The following ZNRF2 variants were observed in gnomAD, a reference collection of about 807,000 sequenced individuals.
ZNRF2 encodes the protein E3 ubiquitin-protein ligase ZNRF2.
In ZNRF2, 16 loss-of-function variants were observed where a neutral mutation model predicts 20.4. The ratio of observed to expected loss-of-function variants is 0.79; its 90% CI spans 0.53 to 1.19. The LOEUF (loss-of-function observed/expected upper bound fraction) is 1.19, where lower values mean the gene tolerates loss of function less well. Ranked by LOEUF, ZNRF2 falls within the 50% of genes most tolerant of loss-of-function variation. ZNRF2 has a pLI of 0.00. For synonymous variants in ZNRF2, 178 were observed against 144.9 expected (o/e 1.23, Z -1.64); for missense variants, 363 against 332.4 (o/e 1.09, Z -0.72).
chr7:30,297,650 C>T (rs900104785), intron 1 of ZNRF2, among the ~76,000 whole-genome samples: 1 of 151,418 alleles, frequency 6.6e-6, no homozygotes, highest in Non-Finnish European at 1.5e-5. Flanking sequence ...ATGAAAATTT[C>T]ATTATTACAT....
intron 2 of ZNRF2, among the ~76,000 whole-genome samples, chr7:30,332,653 A>G (rs1583585852): frequency 6.6e-6 from 1 of 152,038 alleles, no homozygotes; most frequent in Non-Finnish European, 1.5e-5. Context: ...GCGTTAATTT[A>G]CTTAGTATAA....
chr7:30,304,161 C>G (rs1799163881), intron 1 of ZNRF2, among the ~76,000 whole-genome samples: 1 of 152,190 alleles, frequency 6.6e-6, no homozygotes, highest in African/African-American at 2.4e-5. Context: ...CACTTTATCT[C>G]TCTGGGTTTC....
chr7:30,295,011 GAA>G lies in ZNRF2; in HGVS notation c.469+9186_469+9187del, dbSNP rs1248704988. ...AGGGGGACAGAGAGAGAGAGGGAGGGAAGGAGAGAGAGAGAGAGAGAGAGAGA... is the reference window on the plus strand; with the variant it reads ...AGGGGGACAGAGAGAGAGAGGGAGGGGGAGAGAGAGAGAGAGAGAGAGAGA... On this transcript the variant is annotated intron_variant, in intron 1 of 4. Coordinates refer to ENST00000323037, the MANE Select transcript of ZNRF2 (RefSeq NM_147128.4). Among the ~76,000 whole-genome samples, 191 of 118,944 alleles carry G rather than the reference GAA, an allele frequency of 1.6e-3. 1 individual carries two copies. The highest frequency in any genetic ancestry group is 5.9e-3 in the African/African-American group (177 of 30,046). 78.0% of individuals were successfully genotyped at this position (118,944 alleles called of 152,430 possible). A position where few individuals can be genotyped will look rare whatever the true frequency, so the allele number is the denominator to read the frequency against.
intron 1 of ZNRF2, among the ~76,000 whole-genome samples, chr7:30,312,240 C>CAA (rs998489272): frequency 9.2e-5 from 14 of 152,126 alleles, no homozygotes; most frequent in African/African-American, 2.9e-4. Context: ...CTTGGTCTCT[C>CAA]AGAGTGTTGG....
chr7:30,318,715 A>G (rs1426274905), intron 1 of ZNRF2, among the ~76,000 whole-genome samples: 3 of 152,230 alleles, frequency 2.0e-5, no homozygotes, highest in African/African-American at 4.8e-5. Context: ...GTCATCAACA[A>G]TGGAAAAGCA....
At chr7:30,291,733 C>T (rs1295531685) in intron 1 of ZNRF2, among the ~76,000 whole-genome samples, 1 of 152,132 alleles carries the variant, frequency 6.6e-6, no homozygotes. Context: ...AAACATGAGT[C>T]TCTAATTCAG....
At chr7:30,314,038 G>GT (rs1352483610) in intron 1 of ZNRF2, among the ~76,000 whole-genome samples, 1 of 152,124 alleles carries the variant, frequency 6.6e-6, no homozygotes. Flanking sequence ...TGCTACCATA[G>GT]TTTAAGTTGA....
At chr7:30,332,389 A>C (rs548186700) in intron 2 of ZNRF2, among the ~76,000 whole-genome samples, 1 of 148,222 alleles carries the variant, frequency 6.7e-6, no homozygotes, top group East Asian at 1.9e-4. Flanking sequence ...ATTTCGGTTG[A>C]GGAGGTGGGG....
At position 30,285,011 on chromosome 7, in the gene ZNRF2, G is replaced by A; in HGVS notation, c.-347G>A. On this transcript the variant is annotated 5_prime_UTR_variant, in exon 1 of 5. Transcript: ENST00000323037. ...CCGAGCGCGGCAGCAGAGAGCGGTA[G>A]CGGCCCGTCGTGGCGCACCAGAACC... The A allele has an allele frequency of 2.5e-6, 1 of 395,718 alleles. No individual in the cohort carries two copies. The highest frequency in any genetic ancestry group is 5.0e-6 in the Non-Finnish European group (1 of 200,564). The allele number at this position is 395,718 out of a possible 1,614,324, so 24.5% of individuals were successfully genotyped here.
chr7:30,321,032 G>A (rs1012140132), intron 1 of ZNRF2, among the ~76,000 whole-genome samples: 1 of 152,088 alleles, frequency 6.6e-6, no homozygotes, highest in Non-Finnish European at 1.5e-5. Context: ...ATGGAGTGGG[G>A]CCTTTTTCAG....
intron 1 of ZNRF2, among the ~76,000 whole-genome samples, chr7:30,304,671 G>C (rs1412159655): frequency 6.6e-6 from 1 of 152,182 alleles, no homozygotes; most frequent in East Asian, 1.9e-4. Flanking sequence ...AGGGCCATGG[G>C]TTGGGTCTTG....
At chr7:30,302,042 G>T (rs149942476) in intron 1 of ZNRF2, among the ~76,000 whole-genome samples, 2 of 152,200 alleles carry the variant, frequency 1.3e-5, no homozygotes, top group Non-Finnish European at 2.9e-5. Context: ...ACACTGATAC[G>T]CTTACTTCAC....
At chr7:30,333,251 G>A (rs1275313641) in intron 2 of ZNRF2, among the ~76,000 whole-genome samples, 4 of 151,276 alleles carry the variant, frequency 2.6e-5, no homozygotes, top group East Asian at 3.9e-4. Flanking sequence ...ATGGAGTTTC[G>A]CCATGTTGGC....
At chr7:30,305,323 C>T (rs1799182795) in intron 1 of ZNRF2, among the ~76,000 whole-genome samples, 1 of 152,060 alleles carries the variant, frequency 6.6e-6, no homozygotes, top group Admixed American at 6.6e-5. Context: ...TCTGAAGCTT[C>T]GAGCATTCTA....
chr7:30,305,179 A>T (rs1319657957), intron 1 of ZNRF2, among the ~76,000 whole-genome samples: 1 of 152,184 alleles, frequency 6.6e-6, no homozygotes, highest in Non-Finnish European at 1.5e-5. Flanking sequence ...TACCATGGAA[A>T]TCAGCAACTA....
At chr7:30,338,469 C>A (rs1231373906) in intron 2 of ZNRF2, among the ~76,000 whole-genome samples, 6 of 146,076 alleles carry the variant, frequency 4.1e-5, no homozygotes, top group Non-Finnish European at 6.0e-5. Context: ...TATTCCCCTC[C>A]CTGTGTCCAT....
At chr7:30,289,566 C>T (rs1376514714) in intron 1 of ZNRF2, among the ~76,000 whole-genome samples, 3 of 152,186 alleles carry the variant, frequency 2.0e-5, no homozygotes, top group South Asian at 2.1e-4. Context: ...CTAACCACAA[C>T]CCCTGCCACT....
At chr7:30,311,495 A>C (rs1161813839) in intron 1 of ZNRF2, among the ~76,000 whole-genome samples, 1 of 152,168 alleles carries the variant, frequency 6.6e-6, no homozygotes, top group Non-Finnish European at 1.5e-5. Context: ...AAGGTAACTA[A>C]CACATACCAA....
At chr7:30,343,944 G>A (rs1254146684) in intron 2 of ZNRF2, among the ~76,000 whole-genome samples, 4 of 125,252 alleles carry the variant, frequency 3.2e-5, no homozygotes, top group African/African-American at 6.1e-5. Context: ...TTAATAGACC[G>A]AGTCTTGCTC....
Sources: gnomAD v4.1 joint callset for allele counts (sites outside exome capture counted in the v4.1 genomes callset) on GRCh38, gnomAD v4.1.1 for gene constraint, MANE v1.5 for transcripts, NCBI Gene and HGNC (gene_info 2026-07-23, HGNC 2026-07-21) for gene names.